C1QTNF3: variants seen among roughly 807,000 people sequenced by gnomAD.
C1QTNF3 encodes the protein complement C1q tumor necrosis factor-related protein 3.
A neutral mutation model predicts 32.6 loss-of-function variants in C1QTNF3; 26 were observed. That is an observed-to-expected ratio of 0.80 (90% CI 0.58 to 1.11). The LOEUF (loss-of-function observed/expected upper bound fraction) is 1.11. Ranked by LOEUF, C1QTNF3 falls within the 50% of genes least tolerant of loss-of-function variation. C1QTNF3 has a pLI of 0.00. For synonymous variants in C1QTNF3, 155 were observed against 146.0 expected (o/e 1.06, Z -0.44); for missense variants, 362 against 398.2 (o/e 0.91, Z 0.77).
At chr5:34,176,567 G>T in the C1QTNF3 span, among the ~76,000 whole-genome samples, 1 of 152,018 alleles carries the variant, frequency 6.6e-6, no homozygotes, top group African/African-American at 2.4e-5. Context: ...CAGTCTTAAG[G>T]CTGAACTACA....
the C1QTNF3 span, among the ~76,000 whole-genome samples, chr5:34,232,302 T>C: frequency 6.6e-6 from 1 of 152,080 alleles, no homozygotes; most frequent in African/African-American, 2.4e-5. Flanking sequence ...AGATGAAACT[T>C]TGGACATGGA....
chr5:34,128,830 T>C, the C1QTNF3 span, among the ~76,000 whole-genome samples: 1 of 152,234 alleles, frequency 6.6e-6, no homozygotes, highest in African/African-American at 2.4e-5. Flanking sequence ...AGAAAGACTT[T>C]GGACTGGACT....
the C1QTNF3 span, chr5:34,165,533 C>T: frequency 5.9e-5 from 9 of 152,042 alleles, no homozygotes; most frequent in African/African-American, 1.4e-4. Context: ...TATTCAGCAT[C>T]GAGTTACTGT....
intron 3 of C1QTNF3, among the ~76,000 whole-genome samples, chr5:34,032,154 A>T (rs573520260): frequency 4.6e-5 from 7 of 152,372 alleles, no homozygotes; most frequent in African/African-American, 1.4e-4. Flanking sequence ...CTAGTTTTCA[A>T]TGCTGATAGA....
chr5:34,042,846 G>T lies in C1QTNF3; in HGVS notation c.280C>A (p.Gln94Lys), dbSNP rs1579613272. 2 of 1,614,080 alleles carry T rather than the reference G, an allele frequency of 1.2e-6. No homozygotes were observed. Among genetic ancestry groups the T allele is most frequent in the South Asian group, 2.2e-5 (2 of 91,080 alleles). Residue 94 changes from glutamine (Q) to lysine (K), a missense_variant, in exon 1 of 6, where the codon CAG becomes AAG. Coordinates refer to ENST00000382065, the MANE Select transcript of C1QTNF3 (RefSeq NM_181435.6). ...LPHPEVDDLA[Q>K]ITTFWGQSPQ... is the part of the protein sequence containing the mutation. The stretch of plus-strand genomic sequence containing the variant: ...ACCTGGCCCCAGAATGTGGTGATCT[G>T]GGCTAGGTCATCTACCTCGGGGTGC...
At position 34,020,638 on chromosome 5, in the gene C1QTNF3, C is replaced by T. The variant is rs1483628669; in HGVS notation, c.905G>A (p.Gly302Glu). ...AAAGGTGGAGAAGCGTTGGTGGTCC[C>T]CATGGAGAGCGCCATTGCCCATTCG... is the stretch of plus-strand genomic sequence containing the variant. The part of the protein sequence containing the change: ...WLRMGNGALH[G>E]DHQRFSTFAG... Residue 302 changes from glycine to glutamate, a missense_variant, in exon 6 of 6, where the codon GGG (glycine) becomes GAG (glutamate). Physicochemically the swap from Gly to Glu is moderately conservative, Grantham distance 98 (BLOSUM62 -2). Transcript: ENST00000382065. 3 of 1,614,094 alleles carry T rather than the reference C, an allele frequency of 1.9e-6. No homozygotes were observed. Among genetic ancestry groups the T allele is most frequent in the Non-Finnish European group, 2.5e-6 (3 of 1,180,042 alleles).
the C1QTNF3 span, among the ~76,000 whole-genome samples, chr5:34,222,902 T>A: frequency 1.3e-5 from 2 of 151,954 alleles, no homozygotes; most frequent in African/African-American, 4.8e-5. Flanking sequence ...AGTATAAATA[T>A]TATAATACTA....
chr5:34,061,202 G>A, the C1QTNF3 span, among the ~76,000 whole-genome samples: 1 of 152,206 alleles, frequency 6.6e-6, no homozygotes, highest in Non-Finnish European at 1.5e-5. Context: ...CTCACATCCA[G>A]GTCATGCTGA....
the C1QTNF3 span, among the ~76,000 whole-genome samples, chr5:34,208,849 C>T: frequency 6.6e-6 from 1 of 152,100 alleles, no homozygotes; most frequent in African/African-American, 2.4e-5. Context: ...TAATGTTAAT[C>T]CTTAACATAC....
chr5:34,047,758 T>C (rs964803473), upstream of C1QTNF3, among the ~76,000 whole-genome samples: 19 of 152,188 alleles, frequency 1.2e-4, no homozygotes, highest in East Asian at 3.3e-3. Flanking sequence ...TTTAGCTGTA[T>C]TGGTTGTTTA....
chr5:34,212,061 G>T, the C1QTNF3 span, among the ~76,000 whole-genome samples: 1 of 152,052 alleles, frequency 6.6e-6, no homozygotes, highest in Non-Finnish European at 1.5e-5. Flanking sequence ...CAGAGATATA[G>T]ATCAATGGAA....
At chr5:34,229,187 C>T in the C1QTNF3 span, among the ~76,000 whole-genome samples, 2 of 151,934 alleles carry the variant, frequency 1.3e-5, no homozygotes, top group South Asian at 4.1e-4. Context: ...AAAGAAATGT[C>T]TTAAAAAGAA....
chr5:34,200,537 C>T, the C1QTNF3 span: 1 of 152,016 alleles, frequency 6.6e-6, no homozygotes. Flanking sequence ...ATTTTCACCC[C>T]CCAGCAATTC....
the C1QTNF3 span, among the ~76,000 whole-genome samples, chr5:34,103,255 C>A: frequency 2.6e-5 from 4 of 151,942 alleles, no homozygotes; most frequent in Non-Finnish European, 5.9e-5. Flanking sequence ...GAATAATGAA[C>A]TTTTAATTTT....
the C1QTNF3 span, among the ~76,000 whole-genome samples, chr5:34,129,706 T>C: frequency 6.6e-6 from 1 of 151,998 alleles, no homozygotes; most frequent in Admixed American, 6.6e-5. Flanking sequence ...AACTGGAAGC[T>C]GTAAAATTGA....
upstream of C1QTNF3, among the ~76,000 whole-genome samples, chr5:34,047,600 T>C (rs146439820): frequency 2.3e-4 from 35 of 152,342 alleles, no homozygotes; most frequent in Non-Finnish European, 3.5e-4. Flanking sequence ...CCCACCTCTC[T>C]CTTGCCTCTT....
the C1QTNF3 span, among the ~76,000 whole-genome samples, chr5:34,072,243 C>A: frequency 6.7e-6 from 1 of 150,324 alleles, no homozygotes; most frequent in Non-Finnish European, 1.5e-5. Flanking sequence ...CTGCCTAGGC[C>A]TTCCAAAGAC....
chr5:34,135,807 G>C, the C1QTNF3 span, among the ~76,000 whole-genome samples: 1 of 145,998 alleles, frequency 6.8e-6, no homozygotes, highest in Non-Finnish European at 1.5e-5. Flanking sequence ...CAATGGAACA[G>C]AACAGAGCCC....
At chr5:34,216,936 A>G in the C1QTNF3 span, among the ~76,000 whole-genome samples, 3 of 152,120 alleles carry the variant, frequency 2.0e-5, no homozygotes, top group Admixed American at 2.0e-4. Context: ...TGCAAATAAA[A>G]CGGTGTGTCA....
Sources: allele counts gnomAD v4.1 joint callset (sites outside exome capture counted in the v4.1 genomes callset), GRCh38; gene constraint gnomAD v4.1.1; transcripts MANE v1.5; gene names NCBI Gene and HGNC (gene_info 2026-07-23, HGNC 2026-07-21).